Variants in RALGPS1 observed in about 807,000 individuals in gnomAD.
The protein encoded by RALGPS1 is ras-specific guanine nucleotide-releasing factor RalGPS1.
Under a neutral mutation model 78.8 loss-of-function variants are expected in RALGPS1, and 19 were observed. That is an observed-to-expected ratio of 0.24 (90% CI 0.17 to 0.35). The LOEUF (loss-of-function observed/expected upper bound fraction) is 0.35. RALGPS1 is among the 10% of genes least tolerant of loss of function. The pLI is 1.00. For synonymous variants in RALGPS1, 228 were observed against 256.3 expected (o/e 0.89, Z 1.06); for missense variants, 454 against 688.3 (o/e 0.66, Z 3.81).
chr9:127,015,274 T>C (rs2044708713), intron 4 of RALGPS1, among the ~76,000 whole-genome samples: 1 of 152,256 alleles, frequency 6.6e-6, no homozygotes, highest in South Asian at 2.1e-4. Flanking sequence ...ACATTGACTT[T>C]AGGCAAGTTA....
chr9:127,199,419 C>T (rs545523360), intron 14 of RALGPS1, among the ~76,000 whole-genome samples: 27 of 152,294 alleles, frequency 1.8e-4, no homozygotes, highest in Admixed American at 4.6e-4. Flanking sequence ...CATGTGGCTC[C>T]GCCTGGTGGG....
intron 11 of RALGPS1, among the ~76,000 whole-genome samples, chr9:127,184,960 C>T (rs1335827579): frequency 6.6e-6 from 1 of 152,164 alleles, no homozygotes; most frequent in Non-Finnish European, 1.5e-5. Flanking sequence ...TGGATGCTGC[C>T]GGAAATCCGT....
intron 10 of RALGPS1, 114 bp from the exon 11 acceptor site, chr9:127,174,601 C>T (rs560171701): frequency 2.3e-6 from 2 of 879,694 alleles, no homozygotes; most frequent in Non-Finnish European, 3.8e-6. Flanking sequence ...TGATCTGGAG[C>T]AGATCTCACA....
intron 8 of RALGPS1, among the ~76,000 whole-genome samples, chr9:127,104,001 T>C (rs1192773569): frequency 6.6e-6 from 1 of 152,176 alleles, no homozygotes; most frequent in East Asian, 1.9e-4. Flanking sequence ...AACCTCAATA[T>C]CCTGCAAGGT....
At chr9:127,142,823 A>G (rs1046172948) in intron 8 of RALGPS1, among the ~76,000 whole-genome samples, 5 of 152,126 alleles carry the variant, frequency 3.3e-5, no homozygotes, top group Admixed American at 2.6e-4. Flanking sequence ...TTGTGTGTGT[A>G]TGTATGTATG....
intron 4 of RALGPS1, among the ~76,000 whole-genome samples, chr9:127,015,855 C>T (rs1339125938): frequency 6.6e-6 from 1 of 152,070 alleles, no homozygotes; most frequent in Non-Finnish European, 1.5e-5. Flanking sequence ...CACTTGGAGG[C>T]ACTTCTCACA....
intron 4 of RALGPS1, among the ~76,000 whole-genome samples, chr9:127,015,839 C>G (rs970464290): frequency 6.6e-6 from 1 of 152,092 alleles, no homozygotes; most frequent in African/African-American, 2.4e-5. Flanking sequence ...CCTCCCTGCC[C>G]TGCTCCACTT....
chr9:127,134,919 G>A (rs868724027), intron 8 of RALGPS1, among the ~76,000 whole-genome samples: 9 of 152,204 alleles, frequency 5.9e-5, no homozygotes, highest in Middle Eastern at 3.4e-3. Flanking sequence ...CCCCCTCTCC[G>A]GCCCAGTGAG....
Position 127,221,474 on chromosome 9 carries a change from C to T in RALGPS1, c.*2705C>T, listed in dbSNP as rs1384331301. ...ACATTGTTGTCTCAAGAACAACTCA[C>T]CTCTCTCCCTAGGACTAATTTTTGT... On this transcript the variant is annotated 3_prime_UTR_variant, in exon 19 of 19. Coordinates refer to ENST00000259351, the MANE Select transcript of RALGPS1 (RefSeq NM_014636.3). 1.3e-5 allele frequency: 2 copies of T among 152,128 alleles called. No homozygotes were observed. The highest frequency in any genetic ancestry group is 2.9e-5 in the Non-Finnish European group (2 of 68,026). The allele number at this position is 152,128 out of a possible 1,614,324, so 9.4% of individuals were successfully genotyped here.
At chr9:126,924,015 A>G (rs2035026054) in intron 1 of RALGPS1, among the ~76,000 whole-genome samples, 3 of 152,196 alleles carry the variant, frequency 2.0e-5, no homozygotes, top group Admixed American at 6.5e-5. Context: ...GTGTCCGTCT[A>G]TCCTGATGGT....
At chr9:127,188,844 A>T (rs959676177) in intron 11 of RALGPS1, among the ~76,000 whole-genome samples, 1 of 148,664 alleles carries the variant, frequency 6.7e-6, no homozygotes, top group African/African-American at 2.5e-5. Context: ...AAAAAAAAAA[A>T]AAAAATGTAG....
chr9:126,979,177 G>A (rs2040971919), intron 4 of RALGPS1, among the ~76,000 whole-genome samples: 1 of 152,048 alleles, frequency 6.6e-6, no homozygotes, highest in South Asian at 2.1e-4. Flanking sequence ...GAGGAAACTA[G>A]TACCACTAGC....
chr9:127,217,229 C>T, intron 18 of RALGPS1: 4 of 1,216,162 alleles, frequency 3.3e-6, no homozygotes, highest in Non-Finnish European at 4.1e-6. Flanking sequence ...GATTTTCAGA[C>T]CTGGAGGAGG....
intron 8 of RALGPS1, among the ~76,000 whole-genome samples, chr9:127,103,167 G>C (rs973001876): frequency 1.4e-4 from 21 of 152,240 alleles, no homozygotes; most frequent in African/African-American, 4.8e-4. Flanking sequence ...ATATTTCTCT[G>C]TTTTAAAACA....
At chr9:126,924,551 C>A (rs1030491000) in intron 1 of RALGPS1, among the ~76,000 whole-genome samples, 5 of 152,314 alleles carry the variant, frequency 3.3e-5, no homozygotes, top group East Asian at 1.9e-4. Flanking sequence ...CTCCCACTTT[C>A]CATGTAAACA....
At chr9:127,154,322 G>C (rs966006001) in intron 8 of RALGPS1, among the ~76,000 whole-genome samples, 2 of 152,250 alleles carry the variant, frequency 1.3e-5, no homozygotes, top group African/African-American at 4.8e-5. Context: ...GGAGCCCACA[G>C]AGATGGCTCC....
intron 1 of RALGPS1, among the ~76,000 whole-genome samples, chr9:126,935,461 C>T (rs888237847): frequency 2.0e-5 from 3 of 152,162 alleles, no homozygotes; most frequent in African/African-American, 7.2e-5. Flanking sequence ...ACAGCCACAA[C>T]AAATGTTAAA....
At chr9:126,999,248 C>G (rs1012725879) in intron 4 of RALGPS1, among the ~76,000 whole-genome samples, 1 of 151,994 alleles carries the variant, frequency 6.6e-6, no homozygotes, top group Non-Finnish European at 1.5e-5. Flanking sequence ...CTCCTGACCC[C>G]GTACATGCAC....
intron 1 of RALGPS1, among the ~76,000 whole-genome samples, chr9:126,930,631 A>G (rs1405797914): frequency 6.6e-6 from 1 of 152,070 alleles, no homozygotes; most frequent in East Asian, 1.9e-4. Context: ...TTTTTAGTAG[A>G]GATGGGGTTT....
Sources: allele counts gnomAD v4.1 joint callset (sites outside exome capture counted in the v4.1 genomes callset), GRCh38; gene constraint gnomAD v4.1.1; transcripts MANE v1.5; gene names NCBI Gene and HGNC (gene_info 2026-07-23, HGNC 2026-07-21).